The following ZFX variants were observed in gnomAD, a reference collection of about 807,000 sequenced individuals.
The protein encoded by ZFX is zinc finger X-chromosomal protein.
For missense variants in ZFX, 362 were observed against 628.3 expected (o/e 0.58, Z 4.53); for synonymous variants, 196 against 226.8 (o/e 0.86, Z 1.22).
chrX:24,178,291 CT>C (rs749167997), intron 4 of ZFX, among the ~76,000 whole-genome samples: 78 of 86,891 alleles, frequency 9.0e-4, no homozygotes, highest in Middle Eastern at 7.3e-3. Context: ...CTTTTCTTTT[CT>C]TTTTTTTTTT....
At chrX:24,158,404 T>C in intron 3 of ZFX, among the ~76,000 whole-genome samples, 1 of 111,561 alleles carries the variant, frequency 9.0e-6, no homozygotes, top group African/African-American at 3.3e-5. Flanking sequence ...CTTTTGTATA[T>C]AGTTTTCATG....
At chrX:24,183,200 T>A (rs2704833) in intron 5 of ZFX, among the ~76,000 whole-genome samples, 39,710 of 110,434 alleles carry the variant, frequency 0.36, 5,281 homozygotes, top group South Asian at 0.64. Context: ...TTATTTTATT[T>A]TTGAGATGGA....
At chrX:24,203,770 CCTCT>C (rs778242796) in intron 5 of ZFX, among the ~76,000 whole-genome samples, 21 of 111,826 alleles carry the variant, frequency 1.9e-4, no homozygotes, top group African/African-American at 6.5e-4. Flanking sequence ...TCATTTGTCC[CCTCT>C]CTTTCTCTTC....
chrX:24,200,050 C>T (rs1266954346), intron 5 of ZFX, among the ~76,000 whole-genome samples: 1 of 110,811 alleles, frequency 9.0e-6, no homozygotes, highest in Admixed American at 9.7e-5. Context: ...GAAGGGCCTT[C>T]AGAAAGAGGG....
At chrX:24,182,193 A>G (rs756154582) in intron 5 of ZFX, among the ~76,000 whole-genome samples, 1 of 110,973 alleles carries the variant, frequency 9.0e-6, no homozygotes, top group East Asian at 2.8e-4. Flanking sequence ...AGGATCTGTT[A>G]CAGTTTGAAT....
chrX:24,150,047 G>A (rs1162770699), intron 1 of ZFX: 1 of 107,148 alleles, frequency 9.3e-6, no homozygotes, highest in African/African-American at 3.4e-5. Flanking sequence ...AGGCGGTCGA[G>A]GGGCCCCGGG....
In ZFX at chrX:24,208,316, A is replaced by G; in HGVS notation, c.1039A>G (p.Met347Val). The G allele has an allele frequency of 8.3e-7, 1 of 1,209,810 alleles. No homozygotes were observed. Among genetic ancestry groups the G allele is most frequent in the Non-Finnish European group, 1.1e-6 (1 of 895,055 alleles). ...AAAAAVHEQQ[M>V]DDNEIKTFMP... ...AGCCGCCGCCGTGCACGAGCAGCAAATGGATGACAATGAAATCAAAACCTT... is the reference window on the plus strand; with the variant it reads ...AGCCGCCGCCGTGCACGAGCAGCAAGTGGATGACAATGAAATCAAAACCTT... The change falls in exon 8 of 10, where the codon ATG becomes GTG. Residue 347 changes from methionine to valine, a missense_variant. Coordinates refer to ENST00000304543, the MANE Select transcript of ZFX (RefSeq NM_003410.4).
At chrX:24,205,052 A>T (rs1330406770) in intron 5 of ZFX, among the ~76,000 whole-genome samples, 2 of 112,490 alleles carry the variant, frequency 1.8e-5, no homozygotes, top group Non-Finnish European at 3.7e-5. Context: ...GAATAAAACA[A>T]TGTCCATCCA....
intron 3 of ZFX, among the ~76,000 whole-genome samples, chrX:24,166,897 A>G (rs1934054328): frequency 8.9e-6 from 1 of 112,295 alleles, no homozygotes; most frequent in South Asian, 3.7e-4. Context: ...GACCTTATTC[A>G]GAAAGTAGAA....
intron 1 of ZFX, chrX:24,150,774 A>G (rs1056116382): frequency 1.1e-4 from 12 of 113,027 alleles, no homozygotes; most frequent in African/African-American, 3.5e-4. Context: ...TGTTTTTCCA[A>G]CAATCTTTGC....
intron 5 of ZFX, among the ~76,000 whole-genome samples, chrX:24,179,998 C>T (rs1436436133): frequency 9.0e-6 from 1 of 110,885 alleles, no homozygotes; most frequent in Non-Finnish European, 1.9e-5. Flanking sequence ...GAGGCTGAGG[C>T]AGGTGGATCA....
chrX:24,183,901 C>CCTATAG (rs1321533865), intron 5 of ZFX, among the ~76,000 whole-genome samples: 2 of 109,386 alleles, frequency 1.8e-5, no homozygotes, highest in African/African-American at 6.7e-5. Context: ...ATTATAGGCA[C>CCTATAG]GTGCCACCAT....
intron 6 of ZFX, 57 bp downstream of exon 6, chrX:24,207,532 C>T: frequency 8.6e-7 from 1 of 1,167,778 alleles, no homozygotes. Flanking sequence ...AGCCTGATTA[C>T]TTTTGGGTTA....
chrX:24,202,492 G>A (rs1375723258), intron 5 of ZFX, among the ~76,000 whole-genome samples: 1 of 111,645 alleles, frequency 9.0e-6, no homozygotes, highest in Non-Finnish European at 1.9e-5. Flanking sequence ...CTACTACGGT[G>A]GACATTCCTC....
At chrX:24,181,083 G>A (rs1385638730) in intron 5 of ZFX, among the ~76,000 whole-genome samples, 3 of 112,102 alleles carry the variant, frequency 2.7e-5, no homozygotes, top group African/African-American at 9.7e-5. Context: ...TGCTTTGTTC[G>A]AATACCTGTT....
At chrX:24,180,078 A>C (rs144067549) in intron 5 of ZFX, among the ~76,000 whole-genome samples, 8,530 of 109,386 alleles carry the variant, frequency 0.078, 294 homozygotes, top group Middle Eastern at 0.14. Flanking sequence ...CTAAAAATAC[A>C]AAAATTAACC....
chrX:24,194,747 T>A (rs757903006), intron 5 of ZFX, among the ~76,000 whole-genome samples: 316 of 101,506 alleles, frequency 3.1e-3, no homozygotes, highest in South Asian at 4.0e-3. Flanking sequence ...CAGTAAAAAA[T>A]TTTTTTTTTT....
intron 4 of ZFX, among the ~76,000 whole-genome samples, chrX:24,177,195 G>A (rs1039184922): frequency 3.6e-5 from 4 of 112,323 alleles, no homozygotes; most frequent in Non-Finnish European, 5.6e-5. Context: ...GCCTCCCAAA[G>A]TGCTGGGATT....
At chrX:24,186,765 A>ATGAC (rs778616101) in intron 5 of ZFX, among the ~76,000 whole-genome samples, 108 of 112,021 alleles carry the variant, frequency 9.6e-4, no homozygotes, top group African/African-American at 3.4e-3. Flanking sequence ...TGAGGTCAGG[A>ATGAC]TGACTGCCTT....
Sources: allele counts gnomAD v4.1 joint callset (sites outside exome capture counted in the v4.1 genomes callset), GRCh38; gene constraint gnomAD v4.1.1; transcripts MANE v1.5; gene names NCBI Gene and HGNC (gene_info 2026-07-23, HGNC 2026-07-21).